KCNH7: variants seen among roughly 807,000 people sequenced by gnomAD.
KCNH7 encodes potassium voltage-gated channel subfamily H member 7, also known as voltage-gated inwardly rectifying potassium channel KCNH7.
In KCNH7, 49 loss-of-function variants were observed where a neutral mutation model predicts 120.8. The observed-to-expected ratio is 0.41, with a 90% CI of 0.32 to 0.51. The LOEUF (loss-of-function observed/expected upper bound fraction) is 0.51, where lower values mean the gene tolerates loss of function less well. KCNH7 is among the 20% of genes least tolerant of loss of function. The pLI, the probability that KCNH7 is intolerant of heterozygous loss-of-function variation, is 0.38. For synonymous variants in KCNH7, 547 were observed against 516.1 expected (o/e 1.06, Z -0.81); for missense variants, 1,097 against 1,446.6 (o/e 0.76, Z 3.92).
rs144762756 is a variant in KCNH7 at position 162,579,889 on chromosome 2, T to C, written c.308-42809A>G. On this transcript the variant is annotated intron_variant, in intron 2 of 15. Transcript: ENST00000332142. ...TACGTAGAAGCAATGATTTCTCTTT[T>C]CGGAAATACTCTGCTAATTATTTTT... is the stretch of plus-strand genomic sequence containing the variant. Among the ~76,000 whole-genome samples, 6 of 152,132 alleles carry C rather than the reference T, an allele frequency of 3.9e-5. No homozygotes were observed. The East Asian group carries it at 1.2e-3, about 30-fold the overall frequency.
intron 6 of KCNH7, among the ~76,000 whole-genome samples, chr2:162,499,458 C>A (rs1690604625): frequency 6.6e-6 from 1 of 151,660 alleles, no homozygotes. Context: ...GACTGTAGTG[C>A]AGGAAAAAAA....
chr2:162,463,888 G>C (rs1689229207), intron 6 of KCNH7, among the ~76,000 whole-genome samples: 1 of 151,270 alleles, frequency 6.6e-6, no homozygotes, highest in African/African-American at 2.4e-5. Context: ...AAAATATTAG[G>C]TTTTAATTAT....
intron 6 of KCNH7, among the ~76,000 whole-genome samples, chr2:162,455,558 G>A (rs181512102): frequency 8.0e-4 from 122 of 152,144 alleles, no homozygotes; most frequent in Middle Eastern, 6.8e-3. Flanking sequence ...CTGTAAATCC[G>A]TCTGGTCCTG....
At chr2:162,374,372 C>T (rs1686085314) in intron 14 of KCNH7, among the ~76,000 whole-genome samples, 1 of 152,110 alleles carries the variant, frequency 6.6e-6, no homozygotes, top group African/African-American at 2.4e-5. Context: ...ATTTCATTCT[C>T]ATTTTAAATT....
intron 5 of KCNH7, among the ~76,000 whole-genome samples, chr2:162,510,023 G>A (rs962859490): frequency 1.3e-5 from 2 of 151,610 alleles, no homozygotes; most frequent in African/African-American, 2.4e-5. Context: ...AAGCCACCAA[G>A]TTGGAGGTAA....
chr2:162,567,183 G>A (rs1205580926), intron 2 of KCNH7, among the ~76,000 whole-genome samples: 2 of 151,978 alleles, frequency 1.3e-5, no homozygotes, highest in Non-Finnish European at 2.9e-5. Flanking sequence ...GATCACTTTA[G>A]TAGATATGAT....
At chr2:162,748,991 T>C (rs12623464) in intron 2 of KCNH7, among the ~76,000 whole-genome samples, 14,198 of 83,932 alleles carry the variant, frequency 0.17, 2,309 homozygotes, top group African/African-American at 0.48. Context: ...TCCTTCCTTC[T>C]TTCCTCTCTT....
intron 2 of KCNH7, among the ~76,000 whole-genome samples, chr2:162,774,877 A>G (rs901580385): frequency 6.6e-6 from 1 of 152,152 alleles, no homozygotes; most frequent in Non-Finnish European, 1.5e-5. Flanking sequence ...GCAATTAATA[A>G]TGATATTAAT....
At chr2:162,744,217 A>T (rs1010242654) in intron 2 of KCNH7, among the ~76,000 whole-genome samples, 3 of 152,192 alleles carry the variant, frequency 2.0e-5, no homozygotes, top group Admixed American at 1.3e-4. Context: ...GATTTAAAAG[A>T]CCATAAGGGC....
chr2:162,607,719 A>C lies in KCNH7; in HGVS notation c.308-70639T>G, dbSNP rs1232700095. ...CAGTTAATATTTCAATAACAATTGC[A>C]TACTTAAGTTGAATGAAAATTCCAA... On this transcript the variant is annotated intron_variant, in intron 2 of 15. Coordinates refer to ENST00000332142, the MANE Select transcript of KCNH7 (RefSeq NM_033272.4). Among the ~76,000 whole-genome samples, 3 of 152,274 alleles carry C rather than the reference A, an allele frequency of 2.0e-5. No homozygotes were observed. The South Asian group carries it at 6.2e-4, about 32-fold the overall frequency.
chr2:162,797,563 A>C (rs1301159974), intron 2 of KCNH7: 1 of 152,102 alleles, frequency 6.6e-6, no homozygotes, highest in African/African-American at 2.4e-5. Context: ...AATTCTAAGA[A>C]TGAAATATAA....
intron 2 of KCNH7, among the ~76,000 whole-genome samples, chr2:162,805,649 G>A (rs760914091): frequency 2.0e-5 from 3 of 152,018 alleles, no homozygotes; most frequent in Non-Finnish European, 4.4e-5. Flanking sequence ...TATAAATTAG[G>A]ATAACCTCTA....
At chr2:162,655,647 G>T (rs918028720) in intron 2 of KCNH7, among the ~76,000 whole-genome samples, 2 of 151,816 alleles carry the variant, frequency 1.3e-5, no homozygotes, top group Non-Finnish European at 2.9e-5. Flanking sequence ...AAAAAAATTA[G>T]CTGGGCGTGG....
intron 6 of KCNH7, among the ~76,000 whole-genome samples, chr2:162,452,253 TA>T (rs1332491159): frequency 3.4e-4 from 52 of 152,144 alleles, no homozygotes; most frequent in Non-Finnish European, 2.9e-5. Flanking sequence ...ATAATAAACT[TA>T]AAATTTTTCA....
At chr2:162,414,322 A>G (rs556299525) in intron 9 of KCNH7, among the ~76,000 whole-genome samples, 22 of 152,096 alleles carry the variant, frequency 1.4e-4, no homozygotes, top group African/African-American at 4.8e-4. Context: ...GGTTTATTGC[A>G]GTATTGTTTG....
chr2:162,775,310 G>A (rs551729258), intron 2 of KCNH7, among the ~76,000 whole-genome samples: 2 of 152,230 alleles, frequency 1.3e-5, no homozygotes, highest in Non-Finnish European at 2.9e-5. Context: ...TATACATAAT[G>A]TATTTGAATT....
intron 2 of KCNH7, among the ~76,000 whole-genome samples, chr2:162,766,074 A>G (rs1166983479): frequency 6.6e-6 from 1 of 152,050 alleles, no homozygotes; most frequent in Non-Finnish European, 1.5e-5. Flanking sequence ...TCTGCTATTC[A>G]TACTTATTTT....
At chr2:162,677,893 G>A (rs1193140872) in intron 2 of KCNH7, among the ~76,000 whole-genome samples, 3 of 151,440 alleles carry the variant, frequency 2.0e-5, no homozygotes, top group Non-Finnish European at 3.0e-5. Context: ...GTCCCAGTAA[G>A]TATCTATTCA....
intron 2 of KCNH7, among the ~76,000 whole-genome samples, chr2:162,724,461 A>G (rs1430490103): frequency 6.6e-6 from 1 of 151,792 alleles, no homozygotes; most frequent in African/African-American, 2.4e-5. Flanking sequence ...TCACGAGGTC[A>G]GGAGATTGAG....
Sources: allele counts gnomAD v4.1 joint callset (sites outside exome capture counted in the v4.1 genomes callset), GRCh38; gene constraint gnomAD v4.1.1; transcripts MANE v1.5; gene names NCBI Gene and HGNC (gene_info 2026-07-23, HGNC 2026-07-21).